Variants in CSMD1 observed in about 807,000 individuals in gnomAD.
CSMD1 encodes CUB and Sushi multiple domains 1.
CSMD1 carries 213 observed loss-of-function variants against 417.5 expected under a neutral mutation model. The ratio of observed to expected loss-of-function variants is 0.51; its 90% confidence interval spans 0.46 to 0.57. The LOEUF (loss-of-function observed/expected upper bound fraction) is 0.57. Ranked by LOEUF, CSMD1 falls within the 20% of genes least tolerant of loss-of-function variation. The probability of loss-of-function intolerance (pLI) is 0.00; values close to 1 mark genes in which losing one functional copy is unlikely to be tolerated. For missense variants in CSMD1, 6,923 were observed against 4,529.7 expected, an observed-to-expected ratio of 1.53 and a Z score of -15.17; for synonymous variants, 2,862 against 1,736.8, an observed-to-expected ratio of 1.65 and a Z score of -16.11.
intron 3 of CSMD1, among the ~76,000 whole-genome samples, chr8:4,403,508 C>T (rs1008002710): frequency 2.6e-5 from 4 of 152,130 alleles, no homozygotes; most frequent in African/African-American, 2.4e-5. Context: ...ATCACCTCTC[C>T]TCATCAGTCA....
At chr8:3,017,639 AG>A (rs1808956583) in intron 52 of CSMD1, among the ~76,000 whole-genome samples, 1 of 152,000 alleles carries the variant, frequency 6.6e-6, no homozygotes, top group Non-Finnish European at 1.5e-5. Flanking sequence ...GTTTTTCTCT[AG>A]GGTTACTACT....
At chr8:4,091,721 G>A (rs906554994) in intron 3 of CSMD1, among the ~76,000 whole-genome samples, 7 of 152,150 alleles carry the variant, frequency 4.6e-5, no homozygotes, top group African/African-American at 1.2e-4. Context: ...CACAAGCCTC[G>A]CTTGGTGTGC....
At chr8:4,469,253 G>A (rs1307517821) in intron 2 of CSMD1, among the ~76,000 whole-genome samples, 3 of 152,136 alleles carry the variant, frequency 2.0e-5, no homozygotes, top group African/African-American at 4.8e-5. Context: ...GGAGCTCAGG[G>A]GTCAGGCTGC....
At chr8:3,673,477 T>A (rs1192463885) in intron 7 of CSMD1, among the ~76,000 whole-genome samples, 1 of 152,196 alleles carries the variant, frequency 6.6e-6, no homozygotes, top group African/African-American at 2.4e-5. Context: ...CAAGAATGTG[T>A]TTAACAACCT....
intron 30 of CSMD1, among the ~76,000 whole-genome samples, chr8:3,213,853 T>C (rs1797745096): frequency 7.8e-6 from 1 of 128,182 alleles, no homozygotes; most frequent in South Asian, 2.6e-4. Flanking sequence ...TGTATATACA[T>C]ACACATATAT....
intron 12 of CSMD1, among the ~76,000 whole-genome samples, chr8:3,448,744 G>A (rs1815496497): frequency 6.6e-6 from 1 of 152,116 alleles, no homozygotes; most frequent in African/African-American, 2.4e-5. Flanking sequence ...CACCACAGAG[G>A]GATGCATTAC....
In CSMD1 at chr8:3,087,101, G is replaced by A. The variant is rs1814583360; in HGVS notation, c.7470C>T (p.Cys2490=). 6.2e-7 allele frequency: 1 copy of A among 1,612,616 alleles called. No individual in the cohort carries two copies. Among genetic ancestry groups the A allele is most frequent in the African/African-American group, 1.3e-5 (1 of 74,896 alleles). Reference sequence around the variant, plus strand: ...GGATGAAAACGCATTTCTTACCCTGGCAGAGTGGCGTGAGGGAGTCCCACT... The same window carrying A: ...GGATGAAAACGCATTTCTTACCCTGACAGAGTGGCGTGAGGGAGTCCCACT... ...MYQWDSLTPL[C]QAVSCGIPES... The change falls in exon 49 of 70, where the codon TGC becomes TGT. Residue 2490 remains cysteine (C), a synonymous_variant. Transcript: ENST00000635120.
chr8:4,913,642 T>C (rs143875566), intron 1 of CSMD1, among the ~76,000 whole-genome samples: 18 of 152,326 alleles, frequency 1.2e-4, no homozygotes, highest in Non-Finnish European at 2.1e-4. Flanking sequence ...GACTGAGTTC[T>C]GCGTCAACCA....
At chr8:3,449,166 T>C (rs973947431) in intron 12 of CSMD1, among the ~76,000 whole-genome samples, 2 of 152,194 alleles carry the variant, frequency 1.3e-5, no homozygotes, top group African/African-American at 2.4e-5. Flanking sequence ...GTCTTGAAAT[T>C]AGTTGGTGGG....
intron 2 of CSMD1, among the ~76,000 whole-genome samples, chr8:4,623,154 CA>C (rs1238818760): frequency 6.6e-5 from 10 of 152,016 alleles, no homozygotes; most frequent in Non-Finnish European, 1.5e-5. Context: ...AAAGGGAAGA[CA>C]AAAGTTGCAG....
chr8:3,731,478 C>G (rs1428361153), intron 6 of CSMD1, among the ~76,000 whole-genome samples: 3 of 152,186 alleles, frequency 2.0e-5, no homozygotes, highest in Admixed American at 6.5e-5. Context: ...CAATCCGAAA[C>G]TTGCCCAGCC....
chr8:3,556,298 C>T (rs796392460), intron 10 of CSMD1, among the ~76,000 whole-genome samples: 2 of 150,238 alleles, frequency 1.3e-5, no homozygotes, highest in Admixed American at 6.6e-5. Flanking sequence ...ACTACCCTTC[C>T]CAGCCTCTGA....
intron 5 of CSMD1, among the ~76,000 whole-genome samples, chr8:3,897,116 C>T (rs1048776974): frequency 1.3e-5 from 2 of 152,158 alleles, no homozygotes; most frequent in African/African-American, 4.8e-5. Context: ...CATGACAGCA[C>T]TGAAATCACA....
chr8:2,971,268 T>A (rs915961073), intron 57 of CSMD1, among the ~76,000 whole-genome samples: 6 of 152,174 alleles, frequency 3.9e-5, no homozygotes, highest in African/African-American at 1.4e-4. Context: ...GGTCAGACTC[T>A]ACCATCTCGG....
chr8:3,637,793 G>C (rs1797122210), intron 7 of CSMD1, among the ~76,000 whole-genome samples: 1 of 152,156 alleles, frequency 6.6e-6, no homozygotes, highest in Non-Finnish European at 1.5e-5. Flanking sequence ...TCTTGGGAGG[G>C]ACCCAGTGGG....
intron 26 of CSMD1, among the ~76,000 whole-genome samples, chr8:3,281,793 C>A (rs1165124352): frequency 3.3e-5 from 5 of 152,232 alleles, no homozygotes; most frequent in East Asian, 1.9e-4. Context: ...GGATCTGCGT[C>A]CCCACCCATG....
intron 4 of CSMD1, among the ~76,000 whole-genome samples, chr8:3,998,401 C>G (rs894251845): frequency 1.3e-5 from 2 of 152,154 alleles, no homozygotes; most frequent in Non-Finnish European, 2.9e-5. Flanking sequence ...CATTGATAGG[C>G]AGCCTAACAA....
rs557689714 is a variant in CSMD1, at chr8:4,840,700, A to G, written c.85+153632T>C. 5.3e-5 allele frequency among the ~76,000 whole-genome samples: 8 copies of G among 152,320 alleles called. No individual in the cohort carries two copies. In the South Asian group the frequency reaches 1.7e-3, roughly 32 times the overall value. On this transcript the variant is annotated intron_variant, in intron 1 of 69. Transcript: ENST00000635120. Reference sequence around the variant, plus strand: ...TGTTATTACTCAGTGCCTGCAAGAGACAACTTTTTTATCTTCTGAAGACCA... The same window carrying G: ...TGTTATTACTCAGTGCCTGCAAGAGGCAACTTTTTTATCTTCTGAAGACCA...
At chr8:4,752,142 C>G (rs1339826532) in intron 1 of CSMD1, among the ~76,000 whole-genome samples, 4 of 151,846 alleles carry the variant, frequency 2.6e-5, no homozygotes, top group Non-Finnish European at 5.9e-5. Context: ...ATATATGTAT[C>G]TCAGTTGCTC....
Sources: gnomAD v4.1 joint callset for allele counts (sites outside exome capture counted in the v4.1 genomes callset) on GRCh38, gnomAD v4.1.1 for gene constraint, MANE v1.5 for transcripts, NCBI Gene and HGNC (gene_info 2026-07-23, HGNC 2026-07-21) for gene names.